Variants in PRKN observed in about 807,000 individuals in gnomAD.
PRKN encodes the protein E3 ubiquitin-protein ligase parkin.
Under a neutral mutation model 59.5 loss-of-function variants are expected in PRKN, and 56 were observed. The ratio of observed to expected loss-of-function variants is 0.94; its 90% CI spans 0.76 to 1.18. PRKN has a LOEUF of 1.18. Ranked by LOEUF, PRKN falls within the 50% of genes most tolerant of loss-of-function variation. The probability of loss-of-function intolerance (pLI) is 0.00; values close to 1 mark genes in which losing one functional copy is unlikely to be tolerated. For missense variants in PRKN, 657 were observed against 596.4 expected, an observed-to-expected ratio of 1.10 and a Z score of -1.06; for synonymous variants, 250 against 222.1, an observed-to-expected ratio of 1.13 and a Z score of -1.12.
In PRKN at chr6:161,571,555, C is replaced by T. The variant is rs183007255; in HGVS notation, c.872-2139G>A. ...ATTGTTTCAGAGAGTAGGATTTAAA[C>T]CAACAGAAGAAAATGGAATAAACTG... is the stretch of plus-strand genomic sequence containing the variant. On this transcript the variant is annotated intron_variant, in intron 7 of 11. Coordinates refer to ENST00000366898, the MANE Select transcript of PRKN (RefSeq NM_004562.3). Among the ~76,000 whole-genome samples, 8 of 152,220 alleles carry T rather than the reference C, an allele frequency of 5.3e-5. No homozygotes were observed. The East Asian group carries it at 1.4e-3, about 26-fold the overall frequency.
chr6:161,989,490 C>T (rs928383758), intron 5 of PRKN, among the ~76,000 whole-genome samples: 6 of 152,152 alleles, frequency 3.9e-5, no homozygotes, highest in African/African-American at 1.2e-4. Flanking sequence ...TCTGCCCTGT[C>T]CTTGATGCCT....
At chr6:162,231,226 C>A (rs1454398761) in intron 3 of PRKN, among the ~76,000 whole-genome samples, 4 of 152,090 alleles carry the variant, frequency 2.6e-5, no homozygotes, top group African/African-American at 2.4e-5. Flanking sequence ...AGAAGCCAAC[C>A]CTCCTGATCA....
chr6:162,450,105 G>C (rs1249204776), intron 1 of PRKN, among the ~76,000 whole-genome samples: 1 of 152,146 alleles, frequency 6.6e-6, no homozygotes, highest in Non-Finnish European at 1.5e-5. Flanking sequence ...GAGTCAGAAA[G>C]AGAAACCCAA....
rs566943055 is a variant in PRKN at position 161,925,783 on chromosome 6, G to A, written c.734+47519C>T. Among the ~76,000 whole-genome samples the A allele has an allele frequency of 5.9e-5, 9 of 152,188 alleles. No individual in the cohort carries two copies. The South Asian group carries it at 1.2e-3, about 21-fold the overall frequency. On this transcript the variant is annotated intron_variant, in intron 6 of 11. Transcript: ENST00000366898. ...ATGAATGATGTTTAGGAGATTCAATGGGGATAAAACAAACAAACAAACAAC... is the reference window on the plus strand; with the variant it reads ...ATGAATGATGTTTAGGAGATTCAATAGGGATAAAACAAACAAACAAACAAC...
intron 4 of PRKN, among the ~76,000 whole-genome samples, chr6:162,199,632 GCAGCATGCTGC>G (rs1784637418): frequency 6.6e-6 from 1 of 152,178 alleles, no homozygotes; most frequent in East Asian, 1.9e-4. Context: ...CATTGGGCCT[GCAGCATGCTGC>G]CCGGCAGGAG....
chr6:162,155,801 G>A (rs199981897), intron 4 of PRKN, among the ~76,000 whole-genome samples: 111 of 140,754 alleles, frequency 7.9e-4, no homozygotes, highest in African/African-American at 7.9e-4. Flanking sequence ...TTTCAGTTAA[G>A]AAAAAAAAAA....
intron 2 of PRKN, among the ~76,000 whole-genome samples, chr6:162,320,111 G>A (rs1469666109): frequency 6.6e-6 from 1 of 151,560 alleles, no homozygotes; most frequent in African/African-American, 2.4e-5. Context: ...ATGGCCTCCC[G>A]TTCCATTCAT....
chr6:162,279,474 A>T (rs1780789178), intron 2 of PRKN, among the ~76,000 whole-genome samples: 1 of 132,042 alleles, frequency 7.6e-6, no homozygotes, highest in Non-Finnish European at 1.6e-5. Context: ...AGAAGAGAAG[A>T]GAAAAGAAAA....
At chr6:161,591,248 G>T (rs1781714616) in intron 7 of PRKN, among the ~76,000 whole-genome samples, 1 of 152,112 alleles carries the variant, frequency 6.6e-6, no homozygotes, top group Non-Finnish European at 1.5e-5. Context: ...TCTTTCTCTT[G>T]CACCTTTTCT....
Position 162,613,054 on chromosome 6 carries a change from C to A in PRKN, c.7+114608G>T, listed in dbSNP as rs79485168. Among the ~76,000 whole-genome samples, 247 of 152,234 alleles carry A rather than the reference C, an allele frequency of 1.6e-3. 1 individual carries two copies. The highest frequency in any genetic ancestry group is 2.6e-3 in the Non-Finnish European group (174 of 68,016). On this transcript the variant is annotated intron_variant, in intron 1 of 11. Coordinates refer to ENST00000366898, the MANE Select transcript of PRKN (RefSeq NM_004562.3). ...ATACCAATTAATCCTGACATGTTGC[C>A]TATGAGGGAGATACTATCATTATTA...
chr6:162,647,947 TGCAAAAAAAAA>T (rs1462855117), intron 1 of PRKN, among the ~76,000 whole-genome samples: 16 of 15,558 alleles, frequency 1.0e-3, no homozygotes, highest in East Asian at 4.2e-3. Flanking sequence ...ATGTCCACAG[TGCAAAAAAAAA>T]AAAAAAAAAA....
chr6:162,016,964 C>A (rs1286935872), intron 5 of PRKN, among the ~76,000 whole-genome samples: 1 of 152,198 alleles, frequency 6.6e-6, no homozygotes, highest in Non-Finnish European at 1.5e-5. Context: ...AATTCACACA[C>A]TTCCACTCAG....
At chr6:162,248,055 G>A (rs908244647) in intron 3 of PRKN, among the ~76,000 whole-genome samples, 5 of 152,138 alleles carry the variant, frequency 3.3e-5, no homozygotes, top group African/African-American at 9.7e-5. Context: ...CAGGCTCCCT[G>A]GAGAGAGGAG....
intron 9 of PRKN, among the ~76,000 whole-genome samples, chr6:161,430,072 A>T (rs550059643): frequency 1.3e-5 from 2 of 152,176 alleles, no homozygotes; most frequent in Non-Finnish European, 1.5e-5. Flanking sequence ...GGGTTGCATT[A>T]CAGGTGTGAG....
chr6:161,811,077 G>A (rs1450044957), intron 6 of PRKN, among the ~76,000 whole-genome samples: 3 of 152,082 alleles, frequency 2.0e-5, no homozygotes, highest in South Asian at 2.1e-4. Flanking sequence ...AGTTTTTAAA[G>A]AACTAGACAA....
chr6:161,770,802 A>T (rs1789639070), intron 7 of PRKN, among the ~76,000 whole-genome samples: 1 of 151,924 alleles, frequency 6.6e-6, no homozygotes, highest in South Asian at 2.1e-4. Context: ...ACATGAGGCT[A>T]TTGGTGTAGA....
chr6:162,450,037 TGAA>T (rs1434466354), intron 1 of PRKN, among the ~76,000 whole-genome samples: 6 of 152,134 alleles, frequency 3.9e-5, no homozygotes, highest in Non-Finnish European at 8.8e-5. Context: ...TTTTTCTGGC[TGAA>T]GAAGCAAAAC....
Position 161,350,180 on chromosome 6 carries a change from G to C in PRKN, c.1317C>G (p.Pro439=), listed in dbSNP as rs1295020071. The change falls in exon 12 of 12, where the codon CCC becomes CCG. Residue 439 remains proline (P), a synonymous_variant. Coordinates refer to ENST00000366898, the MANE Select transcript of PRKN (RefSeq NM_004562.3). ...TCCAGCACCACTCGAGCCTGCACTG[G>C]GGCTGCGGACACTTCATGTGCATGC... is the stretch of plus-strand genomic sequence containing the variant. ...GGCMHMKCPQ[P]QCRLEWCWNC... is the part of the protein sequence containing the mutation. 6.2e-7 allele frequency: 1 copy of C among 1,613,566 alleles called. No individual in the cohort carries two copies.
At chr6:162,269,713 C>T (rs1780290351) in intron 2 of PRKN, 2 of 152,172 alleles carry the variant, frequency 1.3e-5, no homozygotes, top group Admixed American at 6.5e-5. Flanking sequence ...AACTCTATTT[C>T]CTCATACAAA....
Sources: allele counts gnomAD v4.1 joint callset (sites outside exome capture counted in the v4.1 genomes callset), GRCh38; gene constraint gnomAD v4.1.1; transcripts MANE v1.5; gene names NCBI Gene and HGNC (gene_info 2026-07-23, HGNC 2026-07-21).